CNTNAP4: variants seen among roughly 807,000 people sequenced by gnomAD.
The protein encoded by CNTNAP4 is contactin-associated protein-like 4.
In CNTNAP4, 98 loss-of-function variants were observed where a neutral mutation model predicts 148.4. The observed-to-expected ratio is 0.66, with a 90% CI of 0.56 to 0.78. CNTNAP4 has a LOEUF of 0.78. CNTNAP4 is among the 30% of genes least tolerant of loss of function. The pLI is 0.00. For missense variants in CNTNAP4, 1,935 were observed against 1,565.6 expected, an observed-to-expected ratio of 1.24 and a Z score of -3.98; for synonymous variants, 730 against 565.1, an observed-to-expected ratio of 1.29 and a Z score of -4.14.
chr16:76,389,616 ACTATTTTTTTTT>A lies in CNTNAP4; in HGVS notation c.390+34108_390+34119del, dbSNP rs1258697424. Among the ~76,000 whole-genome samples the A allele has an allele frequency of 2.0e-5, 3 of 151,986 alleles. No homozygotes were observed. In the East Asian group the frequency reaches 5.8e-4, roughly 29 times the overall value. On this transcript the variant is annotated intron_variant, in intron 3 of 23. Transcript: ENST00000611870. Reference sequence around the variant, plus strand: ...TTACAGGAATGTGCCACCAAGCCCAACTATTTTTTTTTCTTTTTTCTTTTTAGTAGAAACAGG... The same window carrying A: ...TTACAGGAATGTGCCACCAAGCCCAACTTTTTTCTTTTTAGTAGAAACAGG...
At chr16:76,465,192 T>C (rs1335339470) in intron 9 of CNTNAP4, among the ~76,000 whole-genome samples, 1 of 152,214 alleles carries the variant, frequency 6.6e-6, no homozygotes, top group African/African-American at 2.4e-5. Flanking sequence ...CAGTAATGGA[T>C]CCATCCATTA....
chr16:76,427,116 GT>G (rs938735718), intron 3 of CNTNAP4, among the ~76,000 whole-genome samples: 38 of 151,994 alleles, frequency 2.5e-4, no homozygotes, highest in African/African-American at 8.9e-4. Flanking sequence ...AATTTTTTTG[GT>G]GCTATTCACA....
At chr16:76,546,825 C>G (rs1021887575) in intron 21 of CNTNAP4, among the ~76,000 whole-genome samples, 1 of 152,104 alleles carries the variant, frequency 6.6e-6, no homozygotes, top group African/African-American at 2.4e-5. Flanking sequence ...CCAGCATTGT[C>G]TGTTAAATGT....
intron 3 of CNTNAP4, among the ~76,000 whole-genome samples, chr16:76,364,870 CTA>C (rs2013919101): frequency 6.6e-6 from 1 of 152,090 alleles, no homozygotes; most frequent in South Asian, 2.1e-4. Context: ...CAGAAGCTCT[CTA>C]GTTTAATTAG....
intron 1 of CNTNAP4, among the ~76,000 whole-genome samples, chr16:76,296,305 T>C (rs1044230125): frequency 6.6e-6 from 1 of 152,180 alleles, no homozygotes; most frequent in African/African-American, 2.4e-5. Flanking sequence ...TGCCTTCCAT[T>C]CAAATACCTA....
At chr16:76,384,036 TTTG>T (rs1356187964) in intron 3 of CNTNAP4, among the ~76,000 whole-genome samples, 1 of 152,138 alleles carries the variant, frequency 6.6e-6, no homozygotes, top group African/African-American at 2.4e-5. Flanking sequence ...TGTTTTGTTT[TTTG>T]TTATTTATTT....
intron 9 of CNTNAP4, among the ~76,000 whole-genome samples, 190 bp downstream of exon 9, chr16:76,462,295 A>T (rs2081004989): frequency 6.6e-6 from 1 of 152,068 alleles, no homozygotes; most frequent in Admixed American, 6.5e-5. Flanking sequence ...TGCAAGGTGG[A>T]CTTACTTCTG....
chr16:76,368,699 C>T (rs2014442356), intron 3 of CNTNAP4, among the ~76,000 whole-genome samples: 1 of 152,082 alleles, frequency 6.6e-6, no homozygotes, highest in African/African-American at 2.4e-5. Flanking sequence ...GGAGGGATAG[C>T]ATTAGGAGAA....
At chr16:76,498,435 T>C in intron 14 of CNTNAP4, 132 bp from the exon 15 acceptor site, 1 of 573,054 alleles carries the variant, frequency 1.7e-6, no homozygotes, top group Non-Finnish European at 3.0e-6. Context: ...ATTCTGTTTT[T>C]ATGTGCTCCG....
At chr16:76,467,292 T>C (rs1945425810) in intron 9 of CNTNAP4, 60 bp from the exon 10 acceptor site, 2 of 1,441,050 alleles carry the variant, frequency 1.4e-6, no homozygotes, top group Non-Finnish European at 9.6e-7. Flanking sequence ...AATGAAGTTA[T>C]CTATGATCCT....
intron 7 of CNTNAP4, among the ~76,000 whole-genome samples, chr16:76,450,213 A>C (rs1484296033): frequency 6.6e-6 from 1 of 151,884 alleles, no homozygotes; most frequent in African/African-American, 2.4e-5. Context: ...GCAGTGGCAT[A>C]ATCTCGGCTC....
At chr16:76,321,856 A>G (rs532640942) in intron 2 of CNTNAP4, among the ~76,000 whole-genome samples, 1 of 152,074 alleles carries the variant, frequency 6.6e-6, no homozygotes, top group Non-Finnish European at 1.5e-5. Flanking sequence ...ATATTTAATA[A>G]CCAATACTTT....
chr16:76,475,945 G>A lies in CNTNAP4; in HGVS notation c.1662G>A (p.Leu554=). ...IDSCGISDRC[L]PNYCEHGGEC... is the part of the protein sequence containing the mutation. ...TATCTGCACCTTCTTTTAGGTGTTT[G>A]CCCAACTATTGTGAACACGGTGGGG... is the stretch of plus-strand genomic sequence containing the variant. Residue 554 remains leucine (L), a synonymous_variant, in exon 11 of 24, where the codon TTG becomes TTA. Transcript: ENST00000611870. The A allele has an allele frequency of 6.2e-7, 1 of 1,612,746 alleles. No individual in the cohort carries two copies. Among genetic ancestry groups the A allele is most frequent in the Non-Finnish European group, 8.5e-7 (1 of 1,178,860 alleles).
rs1233902074 is a variant in CNTNAP4 at position 76,522,186 on chromosome 16, T to A, written c.2684T>A (p.Leu895Gln). 1 of 1,613,876 alleles carries A rather than the reference T, an allele frequency of 6.2e-7. No homozygotes were observed. Among genetic ancestry groups the A allele is most frequent in the Non-Finnish European group, 8.5e-7 (1 of 1,179,918 alleles). Residue 895 changes from leucine (L) to glutamine (Q), a missense_variant, in exon 17 of 24, where the codon CTG becomes CAG. Coordinates refer to ENST00000611870, the MANE Select transcript of CNTNAP4 (RefSeq NM_033401.5). ...MKEASLQVDQ[L>Q]TPKTQPAPAD... ...GAGGCCTCCCTTCAAGTGGATCAGC[T>A]GACACCAAAGACACAGCCCGCCCCC... is the stretch of plus-strand genomic sequence containing the variant.
At chr16:76,544,788 C>T (rs1312416934) in intron 21 of CNTNAP4, among the ~76,000 whole-genome samples, 1 of 152,074 alleles carries the variant, frequency 6.6e-6, no homozygotes, top group East Asian at 1.9e-4. Context: ...ATATTAGATA[C>T]GGTGGTCCAT....
rs755050860 is a variant in CNTNAP4 at position 76,539,795 on chromosome 16, T to G, written c.3297T>G (p.Ala1099=). The part of the protein sequence containing the change: ...DVVNFDFKNM[A]DGQLHHIMIN... ...TTAACTTTGATTTTAAAAACATGGC[T>G]GATGGACAACTTCACCACATAATGA... is the stretch of plus-strand genomic sequence containing the variant. The change falls in exon 20 of 24, where the codon GCT becomes GCG. Residue 1099 remains alanine (A), a synonymous_variant. Transcript: ENST00000611870. The G allele has an allele frequency of 1.5e-5, 24 of 1,603,730 alleles. No homozygotes were observed. Among genetic ancestry groups the G allele is most frequent in the Non-Finnish European group, 1.9e-5 (22 of 1,174,750 alleles).
chr16:76,504,946 CA>C (rs537858885), intron 15 of CNTNAP4, among the ~76,000 whole-genome samples: 1 of 151,940 alleles, frequency 6.6e-6, no homozygotes, highest in East Asian at 1.9e-4. Context: ...ATAATAATAA[CA>C]AAAAAACCCC....
At chr16:76,528,223 G>T (rs2083823798) in intron 17 of CNTNAP4, among the ~76,000 whole-genome samples, 1 of 152,130 alleles carries the variant, frequency 6.6e-6, no homozygotes, top group Non-Finnish European at 1.5e-5. Context: ...CTGGGTCTAT[G>T]TTGGTAATAT....
intron 1 of CNTNAP4, among the ~76,000 whole-genome samples, chr16:76,312,778 C>T (rs952637671): frequency 1.8e-4 from 27 of 152,090 alleles, no homozygotes; most frequent in African/African-American, 6.0e-4. Context: ...GCAAATTAAT[C>T]GAACTGTGTT....
Sources: allele counts gnomAD v4.1 joint callset (sites outside exome capture counted in the v4.1 genomes callset), GRCh38; gene constraint gnomAD v4.1.1; transcripts MANE v1.5; gene names NCBI Gene and HGNC (gene_info 2026-07-23, HGNC 2026-07-21).